Variants in NDC1 observed in about 807,000 individuals in gnomAD.
The protein encoded by NDC1 is NDC1 transmembrane nucleoporin.
In NDC1, 24 loss-of-function variants were observed where a neutral mutation model predicts 89.8. The ratio of observed to expected loss-of-function variants is 0.27; its 90% CI spans 0.19 to 0.38. The LOEUF is 0.38. NDC1 is among the 10% of genes least tolerant of loss of function. The pLI is 1.00. For synonymous variants in NDC1, 296 were observed against 284.8 expected (o/e 1.04, Z -0.39); for missense variants, 728 against 797.6 (o/e 0.91, Z 1.05).
Position 53,780,608 on chromosome 1 carries a change from C to T in NDC1, c.1800+6550G>A, listed in dbSNP as rs60712355. 5.3e-3 allele frequency among the ~76,000 whole-genome samples: 811 copies of T among 152,194 alleles called. 4 individuals are homozygous for T. The highest frequency in any genetic ancestry group is 0.017 in the African/African-American group (724 of 41,508). ...TCCAAATAGATCAAAATTTGACCTT[C>T]AAGTGACGAGGCAAAAAATATAATA... On this transcript the variant is annotated intron_variant, in intron 16 of 17. Transcript: ENST00000371429.
chr1:53,800,296 C>A (rs1647861090), intron 11 of NDC1, among the ~76,000 whole-genome samples: 1 of 149,718 alleles, frequency 6.7e-6, no homozygotes, highest in Non-Finnish European at 1.5e-5. Context: ...ATACACCTCA[C>A]ACTCATATAA....
chr1:53,810,331 T>C (rs1648261131), intron 6 of NDC1, among the ~76,000 whole-genome samples: 1 of 151,856 alleles, frequency 6.6e-6, no homozygotes. Flanking sequence ...AAAAGGGGAA[T>C]TGCGCATGAC....
At chr1:53,784,673 C>T (rs1450894170) in intron 16 of NDC1, among the ~76,000 whole-genome samples, 2 of 152,190 alleles carry the variant, frequency 1.3e-5, no homozygotes, top group African/African-American at 2.4e-5. Context: ...CACCTGTAGT[C>T]CCAGCTACTC....
chr1:53,772,960 C>G (rs925440506), intron 16 of NDC1, among the ~76,000 whole-genome samples: 2 of 151,924 alleles, frequency 1.3e-5, no homozygotes, highest in African/African-American at 4.8e-5. Flanking sequence ...CAGGCCCCCC[C>G]CAAAATCCAG....
At chr1:53,801,524 C>T (rs1647917227) in intron 10 of NDC1, among the ~76,000 whole-genome samples, 1 of 152,154 alleles carries the variant, frequency 6.6e-6, no homozygotes, top group South Asian at 2.1e-4. Context: ...ATCAAGCATG[C>T]TCCATTATGC....
intron 5 of NDC1, among the ~76,000 whole-genome samples, chr1:53,822,289 G>C (rs187314431): frequency 3.0e-4 from 45 of 152,214 alleles, no homozygotes; most frequent in African/African-American, 9.6e-4. Context: ...AGCCGGGACT[G>C]TGCCACTGCA....
intron 5 of NDC1, among the ~76,000 whole-genome samples, chr1:53,825,537 C>T (rs1441369773): frequency 6.6e-6 from 1 of 151,906 alleles, no homozygotes; most frequent in African/African-American, 2.4e-5. Flanking sequence ...GCAAGTGCCA[C>T]TACCTAGCAG....
chr1:53,825,767 T>C, intron 5 of NDC1, 31 bp downstream of exon 5: 1 of 1,546,686 alleles, frequency 6.5e-7, no homozygotes, highest in Non-Finnish European at 8.7e-7. Flanking sequence ...CAGCCAAATT[T>C]TGACATCAAG....
intron 14 of NDC1, among the ~76,000 whole-genome samples, chr1:53,791,630 T>C (rs1421218290): frequency 6.6e-6 from 1 of 152,180 alleles, no homozygotes; most frequent in Non-Finnish European, 1.5e-5. Context: ...TCTATTAAGT[T>C]ACATTTTTTA....
intron 13 of NDC1, among the ~76,000 whole-genome samples, chr1:53,795,661 A>T (rs1048405776): frequency 3.3e-5 from 5 of 152,048 alleles, no homozygotes; most frequent in African/African-American, 9.7e-5. Flanking sequence ...ACATACCTAG[A>T]CCTTGACCAC....
At position 53,807,523 on chromosome 1, in the gene NDC1, G is replaced by C. The variant is rs570205848; in HGVS notation, c.891+133C>G. ...GTGGTTACAAATGATATGGCCCCAA[G>C]AGTCTCAGAAGAGAGACCAAAAACC... On this transcript the variant is annotated intron_variant, in intron 8 of 17. Transcript: ENST00000371429. 3.5e-4 allele frequency: 206 copies of C among 592,114 alleles called. No individual in the cohort carries two copies. The African/African-American group carries it at 3.7e-3, about 11-fold the overall frequency. 36.7% of individuals were successfully genotyped at this position (592,114 alleles called of 1,614,324 possible).
At chr1:53,807,528 T>C in intron 8 of NDC1, 128 bp downstream of exon 8, 1 of 658,076 alleles carries the variant, frequency 1.5e-6, no homozygotes, top group Middle Eastern at 4.3e-4. Flanking sequence ...CCCAAGAGTC[T>C]CAGAAGAGAG....
intron 2 of NDC1, among the ~76,000 whole-genome samples, chr1:53,835,269 G>A (rs1253223942): frequency 6.6e-6 from 1 of 152,122 alleles, no homozygotes; most frequent in East Asian, 1.9e-4. Flanking sequence ...GTCTTCTAAT[G>A]ATCTTTTCGT....
At chr1:53,826,356 A>G (rs1648863360) in intron 4 of NDC1, among the ~76,000 whole-genome samples, 1 of 152,230 alleles carries the variant, frequency 6.6e-6, no homozygotes, top group Non-Finnish European at 1.5e-5. Flanking sequence ...AAGAGATGCT[A>G]CTGGATTTTG....
chr1:53,778,268 C>CACACACATAT (rs1647178447), intron 16 of NDC1, among the ~76,000 whole-genome samples: 6 of 141,372 alleles, frequency 4.2e-5, no homozygotes, highest in African/African-American at 1.5e-4. Flanking sequence ...TATACACACA[C>CACACACATAT]ACACACACAC....
chr1:53,807,885 T>C (rs978490098), intron 7 of NDC1, 94 bp from the exon 8 acceptor site: 18 of 1,158,902 alleles, frequency 1.6e-5, no homozygotes, highest in Non-Finnish European at 2.1e-5. Context: ...AAATATTATG[T>C]CTAAATAACA....
rs1390640049 is a variant in NDC1 at position 53,767,749 on chromosome 1, C to T, written c.*221G>A. 3 of 376,838 alleles carry T rather than the reference C, an allele frequency of 8.0e-6. No individual in the cohort carries two copies. In the East Asian group the frequency reaches 1.2e-4, roughly 15 times the overall value. The allele number at this position is 376,838 out of a possible 1,614,324, so 23.3% of individuals were successfully genotyped here. A position where few individuals can be genotyped will look rare whatever the true frequency, so the allele number is the denominator to read the frequency against. On this transcript the variant is annotated 3_prime_UTR_variant, in exon 18 of 18. Transcript: ENST00000371429. ...ATTGAATAAAGATTTTATTATACCA[C>T]ACACACAAAAAGCAATCGGTACAGA...
chr1:53,791,789 CTA>C (rs1363958923), intron 14 of NDC1, among the ~76,000 whole-genome samples: 1 of 152,174 alleles, frequency 6.6e-6, no homozygotes, highest in Non-Finnish European at 1.5e-5. Context: ...CTTAGGCTAA[CTA>C]TATGACTCCT....
In NDC1 at chr1:53,800,736, C is replaced by G. The variant is rs562403157; in HGVS notation, c.1179G>C (p.Val393=). 6.2e-7 allele frequency: 1 copy of G among 1,614,114 alleles called. No homozygotes were observed. The highest frequency in any genetic ancestry group is 2.2e-5 in the East Asian group (1 of 44,876). The change falls in exon 11 of 18, where the codon GTG becomes GTC. Residue 393 remains valine (V), a synonymous_variant. Transcript: ENST00000371429. ...TAGGTTCCACTGGGTAAGATGAAGA[C>G]ACTCTCCCATTCGTAGCAGCAGCTT... The part of the protein sequence containing the change: ...YQEAAATNGR[V]SSSYPVEPKK...
Sources: allele counts gnomAD v4.1 joint callset (sites outside exome capture counted in the v4.1 genomes callset), GRCh38; gene constraint gnomAD v4.1.1; transcripts MANE v1.5; gene names NCBI Gene and HGNC (gene_info 2026-07-23, HGNC 2026-07-21).